MAP4K3: variants seen among roughly 807,000 people sequenced by gnomAD.
The protein encoded by MAP4K3 is MAPK/ERK kinase kinase kinase 3.
In MAP4K3, 94 loss-of-function variants were observed where a neutral mutation model predicts 143.5. That is an observed-to-expected ratio of 0.65 (90% CI 0.55 to 0.78). MAP4K3 has a LOEUF of 0.78. Among genes scored for constraint, MAP4K3 ranks in the 30% least tolerant of loss-of-function variants. The probability of loss-of-function intolerance (pLI) is 0.00; values close to 1 mark genes in which losing one functional copy is unlikely to be tolerated. For missense variants in MAP4K3, 1,077 were observed against 1,068.1 expected, an observed-to-expected ratio of 1.01 and a Z score of -0.12; for synonymous variants, 416 against 347.2, an observed-to-expected ratio of 1.20 and a Z score of -2.20.
chr2:39,329,241 A>G (rs975677097), intron 8 of MAP4K3, among the ~76,000 whole-genome samples: 25 of 152,246 alleles, frequency 1.6e-4, no homozygotes, highest in African/African-American at 6.0e-4. Context: ...GATGTTTACA[A>G]TAAAACTGAG....
At chr2:39,340,371 T>C (rs539599026) in intron 4 of MAP4K3, among the ~76,000 whole-genome samples, 285 of 152,302 alleles carry the variant, frequency 1.9e-3, no homozygotes, top group African/African-American at 6.4e-3. Context: ...CAGAGAAAGA[T>C]AGGATTTGGG....
chr2:39,424,666 C>T (rs1197829229), intron 1 of MAP4K3, among the ~76,000 whole-genome samples: 2 of 151,470 alleles, frequency 1.3e-5, no homozygotes, highest in African/African-American at 2.4e-5. Flanking sequence ...CTTGTCTATA[C>T]AAAAAATACA....
At chr2:39,296,313 T>A (rs1456722554) in intron 16 of MAP4K3, among the ~76,000 whole-genome samples, 3 of 152,232 alleles carry the variant, frequency 2.0e-5, no homozygotes, top group African/African-American at 4.8e-5. Context: ...CAGTAAATAT[T>A]GCATCTTGAG....
chr2:39,305,932 G>A (rs1263901176), intron 15 of MAP4K3, among the ~76,000 whole-genome samples: 8 of 152,020 alleles, frequency 5.3e-5, no homozygotes, highest in African/African-American at 1.9e-4. Context: ...CAGGTTCAAG[G>A]ATTCTCCTGC....
chr2:39,368,317 G>C (rs953376757), intron 2 of MAP4K3, among the ~76,000 whole-genome samples: 1 of 150,534 alleles, frequency 6.6e-6, no homozygotes, highest in Admixed American at 6.6e-5. Context: ...GAATACAATG[G>C]GCAAAAAATT....
intron 4 of MAP4K3, among the ~76,000 whole-genome samples, chr2:39,341,506 A>C (rs1028406169): frequency 6.6e-6 from 1 of 151,638 alleles, no homozygotes; most frequent in Admixed American, 6.6e-5. Context: ...AAAATATAAA[A>C]ATTAGCCGGT....
chr2:39,337,852 T>C (rs1193320556), intron 4 of MAP4K3, among the ~76,000 whole-genome samples: 1 of 137,016 alleles, frequency 7.3e-6, no homozygotes, highest in Non-Finnish European at 1.5e-5. Context: ...CTCGACCTCC[T>C]GGGCTCAAGT....
At chr2:39,359,341 A>AT (rs941553865) in intron 2 of MAP4K3, among the ~76,000 whole-genome samples, 7 of 152,328 alleles carry the variant, frequency 4.6e-5, no homozygotes, top group Admixed American at 1.3e-4. Flanking sequence ...GGTCATGCTG[A>AT]TAACAAGAGG....
chr2:39,369,919 T>C (rs1197108759), intron 2 of MAP4K3, among the ~76,000 whole-genome samples: 2 of 152,196 alleles, frequency 1.3e-5, no homozygotes, highest in Non-Finnish European at 2.9e-5. Flanking sequence ...CACCTACATA[T>C]GCACACACAC....
At chr2:39,310,970 G>C (rs1356598734) in intron 13 of MAP4K3, among the ~76,000 whole-genome samples, 3 of 152,062 alleles carry the variant, frequency 2.0e-5, no homozygotes, top group Admixed American at 2.0e-4. Context: ...TTAATTCTAG[G>C]CCATTTCCAC....
chr2:39,273,418 G>A (rs564174298), intron 24 of MAP4K3, among the ~76,000 whole-genome samples: 2 of 152,306 alleles, frequency 1.3e-5, no homozygotes, highest in African/African-American at 4.8e-5. Context: ...GAGAGCCACT[G>A]ATGTACATAA....
At chr2:39,416,143 A>G (rs1490936787) in intron 1 of MAP4K3, among the ~76,000 whole-genome samples, 1 of 150,940 alleles carries the variant, frequency 6.6e-6, no homozygotes, top group African/African-American at 2.4e-5. Context: ...TATCTCAATT[A>G]AACTGTCAAA....
At chr2:39,263,111 C>A (rs1680630457) in intron 28 of MAP4K3, among the ~76,000 whole-genome samples, 1 of 151,726 alleles carries the variant, frequency 6.6e-6, no homozygotes, top group African/African-American at 2.4e-5. Context: ...TAAAAGCAGT[C>A]TAATGATGCA....
chr2:39,407,391 T>C (rs904755974), intron 1 of MAP4K3, among the ~76,000 whole-genome samples: 14 of 148,396 alleles, frequency 9.4e-5, no homozygotes, highest in South Asian at 2.2e-4. Flanking sequence ...AGAATGCCAG[T>C]TGGAGAATGG....
intron 1 of MAP4K3, among the ~76,000 whole-genome samples, chr2:39,404,941 C>T (rs1406705862): frequency 1.3e-5 from 2 of 152,168 alleles, no homozygotes; most frequent in African/African-American, 4.8e-5. Flanking sequence ...GTTTCTAACT[C>T]CAGTCCCTGG....
intron 8 of MAP4K3, among the ~76,000 whole-genome samples, chr2:39,326,639 G>A (rs148097045): frequency 6.6e-6 from 1 of 152,124 alleles, no homozygotes; most frequent in Non-Finnish European, 1.5e-5. Flanking sequence ...CTGCAATTTG[G>A]GGGGTGGGCA....
chr2:39,374,538 C>T (rs566957094), intron 2 of MAP4K3, among the ~76,000 whole-genome samples: 8 of 151,716 alleles, frequency 5.3e-5, no homozygotes, highest in East Asian at 1.9e-4. Flanking sequence ...AAAAATTAGC[C>T]GGGCGTGGTG....
intron 4 of MAP4K3, among the ~76,000 whole-genome samples, chr2:39,342,111 T>G (rs904875763): frequency 2.0e-3 from 2 of 998 alleles, no homozygotes; most frequent in South Asian, 0.014. Flanking sequence ...CTTTCTAGTA[T>G]TATTATTATT....
intron 20 of MAP4K3, among the ~76,000 whole-genome samples, chr2:39,287,440 G>C (rs748067430): frequency 9.9e-5 from 15 of 152,064 alleles, no homozygotes; most frequent in Non-Finnish European, 1.6e-4. Flanking sequence ...TGGGATTACA[G>C]GCATGCGCTA....
Sources: gnomAD v4.1 joint callset for allele counts (sites outside exome capture counted in the v4.1 genomes callset) on GRCh38, gnomAD v4.1.1 for gene constraint, MANE v1.5 for transcripts, NCBI Gene and HGNC (gene_info 2026-07-23, HGNC 2026-07-21) for gene names.